Variants in PKD1L1 observed in about 807,000 individuals in gnomAD.
PKD1L1 encodes polycystin 1 like 1, transient receptor potential channel interacting, also known as polycystin-1-like protein 1.
PKD1L1 carries 236 observed loss-of-function variants against 323.4 expected under a neutral mutation model. The observed-to-expected ratio is 0.73, with a 90% CI of 0.66 to 0.81. The LOEUF is 0.81. Ranked by LOEUF, PKD1L1 falls within the 40% of genes least tolerant of loss-of-function variation. The probability of loss-of-function intolerance (pLI) is 0.00; values close to 1 mark genes in which losing one functional copy is unlikely to be tolerated. For synonymous variants in PKD1L1, 1,344 were observed against 1,335.0 expected (o/e 1.01, Z -0.15); for missense variants, 3,320 against 3,508.0 (o/e 0.95, Z 1.35).
Position 47,857,687 on chromosome 7 carries a change from G to A in PKD1L1, c.4508C>T (p.Ala1503Val), listed in dbSNP as rs201706320. 93 of 1,613,942 alleles carry A rather than the reference G, an allele frequency of 5.8e-5. No individual in the cohort carries two copies. Among genetic ancestry groups the A allele is most frequent in the East Asian group, 2.2e-4 (10 of 44,876 alleles). The change falls in exon 28 of 57, where the codon GCG (alanine) becomes GTG (valine). Residue 1503 changes from alanine to valine, a missense_variant. Transcript: ENST00000289672. ...GDLAGHSPAG[A>V]ETQSPCYISQ... ...AATGTAGCATGGGCTCTGTGTCTCC[G>A]CCCCAGCAGGACTGTGCCCAGCAAG...
Position 47,845,039 on chromosome 7 carries a change from C to T in PKD1L1, c.5193G>A (p.Lys1731=). The change falls in exon 33 of 57, where the codon AAG becomes AAA. Residue 1731 remains lysine (K), a synonymous_variant. Transcript: ENST00000289672. ...RLAAFALLRR[K]LKASFEVSDI... ...CACTCACTTCAAAACTGGCCTTCAGCTTTCTCCTTAGGAGAGCGAATGCCG... is the reference window on the plus strand; with the variant it reads ...CACTCACTTCAAAACTGGCCTTCAGTTTTCTCCTTAGGAGAGCGAATGCCG... 6 of 1,614,040 alleles carry T rather than the reference C, an allele frequency of 3.7e-6. No homozygotes were observed. Among genetic ancestry groups the T allele is most frequent in the Non-Finnish European group, 5.1e-6 (6 of 1,179,992 alleles).
Position 47,830,079 on chromosome 7 carries a change from G to C in PKD1L1, c.6519C>G (p.Leu2173=). Residue 2173 remains leucine, a synonymous_variant, in exon 43 of 57, where the codon CTC becomes CTG. Coordinates refer to ENST00000289672, the MANE Select transcript of PKD1L1 (RefSeq NM_138295.5). ...TGATGAAAATACAGCAGACCACGGAGAGGGACAGCAGGTGCAGCCACTGCA... is the reference window on the plus strand; with the variant it reads ...TGATGAAAATACAGCAGACCACGGACAGGGACAGCAGGTGCAGCCACTGCA... ...QCVQWLHLLS[L]SVVCCIFITQ... The C allele has an allele frequency of 6.2e-7, 1 of 1,614,224 alleles. No homozygotes were observed. The highest frequency in any genetic ancestry group is 2.2e-5 in the East Asian group (1 of 44,884).
At chr7:47,807,573 C>T (rs1784806692) in intron 52 of PKD1L1, among the ~76,000 whole-genome samples, 1 of 152,110 alleles carries the variant, frequency 6.6e-6, no homozygotes, top group African/African-American at 2.4e-5. Flanking sequence ...GGCAGCAGGG[C>T]AAGGAGGCAG....
chr7:47,836,903 A>G lies in PKD1L1; in HGVS notation c.5943+18T>C. ...GTCGGATCTGGAAGCTGCTATAAGG[A>G]AAAGCGATGGCTCTCACCTGCTCTT... On this transcript the variant is annotated intron_variant, in intron 37 of 56. Coordinates refer to ENST00000289672, the MANE Select transcript of PKD1L1 (RefSeq NM_138295.5). 6.2e-7 allele frequency: 1 copy of G among 1,609,868 alleles called. No homozygotes were observed. The highest frequency in any genetic ancestry group is 1.1e-5 in the South Asian group (1 of 90,628).
At chr7:47,906,851 C>T (rs1228354139) in intron 9 of PKD1L1, among the ~76,000 whole-genome samples, 1 of 151,854 alleles carries the variant, frequency 6.6e-6, no homozygotes, top group Admixed American at 6.5e-5. Flanking sequence ...TCTCATTAAG[C>T]ATGCCTGAAA....
Position 47,792,652 on chromosome 7 carries a change from T to A in PKD1L1, c.8501A>T (p.Asp2834Val), listed in dbSNP as rs1437932881. The change falls in exon 56 of 57, where the codon GAC becomes GTC. Residue 2834 changes from aspartate to valine, a missense_variant. Physicochemically the swap from Asp to Val is radical, Grantham distance 152. Coordinates refer to ENST00000289672, the MANE Select transcript of PKD1L1 (RefSeq NM_138295.5). Reference protein sequence around the residue: ...EARTEESPLVDISSYQAAEPA... With the variant: ...EARTEESPLVVISSYQAAEPA... Reference sequence around the variant, plus strand: ...CTCAGCAGCTTGGTAACTAGAAATGTCCACTAAGGGACTCTCTTCTGTCCT... The same window carrying A: ...CTCAGCAGCTTGGTAACTAGAAATGACCACTAAGGGACTCTCTTCTGTCCT... 1 of 1,613,474 alleles carries A rather than the reference T, an allele frequency of 6.2e-7. No individual in the cohort carries two copies. The highest frequency in any genetic ancestry group is 2.2e-5 in the East Asian group (1 of 44,860).
At chr7:47,847,891 A>T (rs1372274848) in intron 31 of PKD1L1, among the ~76,000 whole-genome samples, 1 of 152,220 alleles carries the variant, frequency 6.6e-6, no homozygotes, top group African/African-American at 2.4e-5. Context: ...TATTTTAAAA[A>T]TAGCCCTAAC....
At chr7:47,815,208 G>T in intron 47 of PKD1L1, 126 bp downstream of exon 47, 1 of 1,287,430 alleles carries the variant, frequency 7.8e-7, no homozygotes, top group Non-Finnish European at 1.1e-6. Flanking sequence ...AGAGCCACCG[G>T]CCTTACACCT....
chr7:47,885,827 C>G lies in PKD1L1; in HGVS notation c.3064G>C (p.Ala1022Pro), dbSNP rs530820900. 1.9e-6 allele frequency: 3 copies of G among 1,614,198 alleles called. No individual in the cohort carries two copies. Among genetic ancestry groups the G allele is most frequent in the South Asian group, 2.2e-5 (2 of 91,086 alleles). ...PMTGVYWIPPAGDSAVLGEAP... is the reference protein window; with the variant it reads ...PMTGVYWIPPPGDSAVLGEAP... ...TCCCCCAGGACTGCAGAGTCCCCCG[C>G]AGGAGGAATCCAGTAGACTCCAGTC... The change falls in exon 18 of 57, where the codon GCG becomes CCG. Residue 1022 changes from alanine (A) to proline (P), a missense_variant. Physicochemically the swap from Ala to Pro is conservative, Grantham distance 27. Transcript: ENST00000289672.
At chr7:47,841,013 G>C (rs182619009) in intron 34 of PKD1L1, among the ~76,000 whole-genome samples, 2 of 152,334 alleles carry the variant, frequency 1.3e-5, no homozygotes, top group East Asian at 3.9e-4. Flanking sequence ...TGGGCTTGTC[G>C]TTCTCACTGG....
At chr7:47,816,392 T>C (rs908212129) in intron 46 of PKD1L1, among the ~76,000 whole-genome samples, 4 of 152,246 alleles carry the variant, frequency 2.6e-5, no homozygotes, top group African/African-American at 9.6e-5. Flanking sequence ...TAAAGCCACA[T>C]GCACAGGCCA....
intron 2 of PKD1L1, 85 bp downstream of exon 2, chr7:47,943,311 C>T (rs1788035369): frequency 1.8e-6 from 2 of 1,113,392 alleles, no homozygotes; most frequent in Non-Finnish European, 2.7e-6. Context: ...AATGAAATTC[C>T]CATGTGGAAG....
chr7:47,911,968 C>T (rs1583668290), intron 8 of PKD1L1, among the ~76,000 whole-genome samples: 1 of 147,212 alleles, frequency 6.8e-6, no homozygotes, highest in Non-Finnish European at 1.5e-5. Flanking sequence ...GGAAGGAAGG[C>T]AGGAAAGAAG....
chr7:47,816,286 T>C (rs1009161095), intron 46 of PKD1L1, among the ~76,000 whole-genome samples: 4 of 152,230 alleles, frequency 2.6e-5, no homozygotes, highest in Non-Finnish European at 4.4e-5. Flanking sequence ...TTTATAGATA[T>C]GCTTCATTTT....
chr7:47,817,992 T>C, intron 46 of PKD1L1: 2 of 1,285,106 alleles, frequency 1.6e-6, no homozygotes, highest in Non-Finnish European at 2.1e-6. Context: ...TGATCTTCAT[T>C]GGTTTATACA....
rs1784838553 is a variant in PKD1L1 at position 47,808,979 on chromosome 7, ATCTTTTAATTTTTTTAAACTTTTTGAC to A, written c.7686+467_7686+493del. The A allele has an allele frequency of 1.1e-4, 16 of 142,218 alleles. No individual in the cohort carries two copies. In the Admixed American group the frequency reaches 1.2e-3, roughly 10 times the overall value. 8.8% of individuals were successfully genotyped at this position (142,218 alleles called of 1,614,324 possible). On this transcript the variant is annotated intron_variant, in intron 51 of 56. Coordinates refer to ENST00000289672, the MANE Select transcript of PKD1L1 (RefSeq NM_138295.5). ...CTTACTGTAACCCTTTTACTTAAAA[ATCTTTTAATTTTTTTAAACTTTTTGAC>A]TCTATGATAACACAGCTTAAAACAC...
chr7:47,948,359 C>A, intron 1 of PKD1L1, 38 bp downstream of exon 1: 1 of 1,612,236 alleles, frequency 6.2e-7, no homozygotes, highest in East Asian at 2.2e-5. Flanking sequence ...ACTTTAAAAT[C>A]AAGCTTACCA....
chr7:47,803,167 T>C (rs776220522), intron 53 of PKD1L1, 43 bp downstream of exon 53: 6 of 1,611,616 alleles, frequency 3.7e-6, no homozygotes, highest in African/African-American at 1.3e-5. Context: ...CACAGATCAA[T>C]GGTTTACAAG....
At chr7:47,780,572 T>C (rs2881920) in intron 56 of PKD1L1, among the ~76,000 whole-genome samples, 80,289 of 151,570 alleles carry the variant, frequency 0.53, 21,551 homozygotes, top group East Asian at 0.79. Flanking sequence ...GTGGAGGTTG[T>C]AGTGAGCCGA....
Sources: gnomAD v4.1 joint callset for allele counts (sites outside exome capture counted in the v4.1 genomes callset) on GRCh38, gnomAD v4.1.1 for gene constraint, MANE v1.5 for transcripts, NCBI Gene and HGNC (gene_info 2026-07-23, HGNC 2026-07-21) for gene names.